NBEAL1: variants seen among roughly 807,000 people sequenced by gnomAD.
The protein encoded by NBEAL1 is neurobeachin-like protein 1.
Under a neutral mutation model 351.3 loss-of-function variants are expected in NBEAL1, and 273 were observed. That is an observed-to-expected ratio of 0.78 (90% CI 0.70 to 0.86). The LOEUF (loss-of-function observed/expected upper bound fraction) is 0.86. Among genes scored for constraint, NBEAL1 ranks in the 40% least tolerant of loss-of-function variants. The pLI is 0.00. For synonymous variants in NBEAL1, 1,050 were observed against 1,086.4 expected (o/e 0.97, Z 0.66); for missense variants, 2,961 against 3,201.3 (o/e 0.92, Z 1.81).
At chr2:203,049,252 G>GT (rs149618311) in intron 3 of NBEAL1, among the ~76,000 whole-genome samples, 5,377 of 152,086 alleles carry the variant, frequency 0.035, 306 homozygotes, top group African/African-American at 0.12. Flanking sequence ...TAGAGATGGG[G>GT]TTCACCATGT....
intron 2 of NBEAL1, among the ~76,000 whole-genome samples, chr2:203,017,903 C>A (rs1163978723): frequency 6.6e-6 from 1 of 151,940 alleles, no homozygotes; most frequent in Non-Finnish European, 1.5e-5. Flanking sequence ...GATTTTGAAG[C>A]CTATCTCTTC....
Position 203,062,647 on chromosome 2 carries a change from G to T in NBEAL1, c.515+5194G>T, listed in dbSNP as rs1258572973. On this transcript the variant is annotated intron_variant, in intron 6 of 55. Transcript: ENST00000683969. This position sits in a 1 kb window ranked among gnomAD's most constrained non-coding sequence, Gnocchi z 4.2. ...GAAAGGGGGGCAAAGTAGAGGATGA[G>T]TAGCAGCATTTAATGAATGTATGCA... Among the ~76,000 whole-genome samples, 1 of 152,236 alleles carries T rather than the reference G, an allele frequency of 6.6e-6. No individual in the cohort carries two copies. Among genetic ancestry groups the T allele is most frequent in the Non-Finnish European group, 1.5e-5 (1 of 68,042 alleles).
At chr2:203,204,883 T>C (rs77820980) in intron 51 of NBEAL1, among the ~76,000 whole-genome samples, 3,981 of 152,274 alleles carry the variant, frequency 0.026, 175 homozygotes, top group African/African-American at 0.089. Context: ...AATCCTCTTA[T>C]CAACTCTCAT....
intron 9 of NBEAL1, among the ~76,000 whole-genome samples, chr2:203,084,073 T>C (rs1442126886): frequency 1.3e-5 from 2 of 151,840 alleles, no homozygotes. Flanking sequence ...TGCTTATTTA[T>C]CTCTGTCTCT....
rs192908007 is a variant in NBEAL1 at position 203,133,617 on chromosome 2, G to A, written c.3813+471G>A. ...CCCCTTTCAGATCATAACTTTCTCT[G>A]TCCTCCACTAGTAACCATTGACCTA... is the stretch of plus-strand genomic sequence containing the variant. On this transcript the variant is annotated intron_variant, in intron 27 of 55. Coordinates refer to ENST00000683969, the MANE Select transcript of NBEAL1 (RefSeq NM_001378026.1). 4.6e-5 allele frequency among the ~76,000 whole-genome samples: 7 copies of A among 151,652 alleles called. No homozygotes were observed. The East Asian group carries it at 1.4e-3, about 29-fold the overall frequency.
chr2:203,103,852 ATTAT>A (rs2062379050), intron 12 of NBEAL1, among the ~76,000 whole-genome samples: 1 of 152,002 alleles, frequency 6.6e-6, no homozygotes, highest in South Asian at 2.1e-4. Context: ...CTCTAATTTT[ATTAT>A]TTACCCAGGA....
At chr2:203,178,149 C>CT (rs144941229) in intron 42 of NBEAL1, among the ~76,000 whole-genome samples, 21 of 146,304 alleles carry the variant, frequency 1.4e-4, no homozygotes, top group Admixed American at 4.1e-4. Context: ...TCATACCAGC[C>CT]TTTTTTTTTT....
rs371919686 is a variant in NBEAL1, at chr2:203,030,697, A to C, written c.52-11068A>C. 1.6e-4 allele frequency among the ~76,000 whole-genome samples: 24 copies of C among 152,302 alleles called. No individual in the cohort carries two copies. In the East Asian group the frequency reaches 4.4e-3, roughly 28 times the overall value. On this transcript the variant is annotated intron_variant, in intron 2 of 55. Transcript: ENST00000683969. ...AAGTAGACAGTAAACATGGATCTAG[A>C]AAGACTTCATATGTTGATATTAGAA...
chr2:203,102,897 T>TA (rs2062356749), intron 12 of NBEAL1, among the ~76,000 whole-genome samples: 1 of 152,198 alleles, frequency 6.6e-6, no homozygotes, highest in Non-Finnish European at 1.5e-5. Context: ...AGCTCTTTTT[T>TA]ATGTATCTGA....
At chr2:203,057,501 TA>T in intron 6 of NBEAL1, 48 bp downstream of exon 6, 1 of 1,471,144 alleles carries the variant, frequency 6.8e-7, no homozygotes, top group Non-Finnish European at 9.2e-7. Context: ...AATGTCATAA[TA>T]TATTTGATTC....
intron 10 of NBEAL1, chr2:203,085,233 C>T (rs57848170): frequency 0.44 from 67,436 of 152,058 alleles, 17,169 homozygotes; most frequent in Middle Eastern, 0.68. Flanking sequence ...TGACTACAGG[C>T]GGGCGCCACC....
chr2:203,153,446 A>C (rs2063716201), intron 35 of NBEAL1, among the ~76,000 whole-genome samples: 1 of 151,874 alleles, frequency 6.6e-6, no homozygotes, highest in African/African-American at 2.4e-5. Context: ...GGCTGGCCAG[A>C]TCTTATTTTT....
intron 2 of NBEAL1, among the ~76,000 whole-genome samples, chr2:203,038,722 A>G (rs947779614): frequency 1.3e-5 from 2 of 148,844 alleles, no homozygotes; most frequent in Non-Finnish European, 3.0e-5. Flanking sequence ...TGCTGATGGC[A>G]TGTGTCACTC....
intron 49 of NBEAL1, among the ~76,000 whole-genome samples, chr2:203,200,181 C>T (rs1282432563): frequency 6.6e-6 from 1 of 152,062 alleles, no homozygotes; most frequent in African/African-American, 2.4e-5. Context: ...AGTTCAAGAC[C>T]AGCCTGGCCA....
chr2:203,040,759 C>A, intron 2 of NBEAL1: 1 of 565,676 alleles, frequency 1.8e-6, no homozygotes, highest in South Asian at 1.5e-5. Context: ...CCATCATGCT[C>A]AGGCTGGAGT....
At chr2:203,046,972 C>T (rs1010218501) in intron 3 of NBEAL1, among the ~76,000 whole-genome samples, 15 of 152,096 alleles carry the variant, frequency 9.9e-5, no homozygotes, top group Non-Finnish European at 1.5e-4. Flanking sequence ...GTCGGGATTT[C>T]GAGACCTGCC....
At chr2:203,078,920 TTAAAC>T (rs1485804024) in intron 8 of NBEAL1, among the ~76,000 whole-genome samples, 2 of 152,142 alleles carry the variant, frequency 1.3e-5, no homozygotes, top group African/African-American at 4.8e-5. Flanking sequence ...TTATAATACA[TTAAAC>T]TAAAAAAGCT....
chr2:203,157,675 A>G (rs1314654129), intron 35 of NBEAL1, 24 bp from the exon 36 acceptor site: 1 of 1,539,232 alleles, frequency 6.5e-7, no homozygotes, highest in Non-Finnish European at 8.7e-7. Flanking sequence ...TTTATGTTTA[A>G]TAGATATTTT....
chr2:203,072,372 C>T (rs1331157675), intron 7 of NBEAL1, among the ~76,000 whole-genome samples: 1 of 151,732 alleles, frequency 6.6e-6, no homozygotes, highest in African/African-American at 2.4e-5. Context: ...CAGTCACACC[C>T]TCAGTATTTT....
Sources: gnomAD v4.1 joint callset for allele counts (sites outside exome capture counted in the v4.1 genomes callset) on GRCh38, gnomAD v4.1.1 for gene constraint, Gnocchi (gnomAD v3.1) non-coding constraint, MANE v1.5 for transcripts, NCBI Gene and HGNC (gene_info 2026-07-23, HGNC 2026-07-21) for gene names.